The following GRIK1 variants were observed in gnomAD, a reference collection of about 807,000 sequenced individuals.
GRIK1 encodes glutamate ionotropic receptor kainate type subunit 1.
Under a neutral mutation model 105.7 loss-of-function variants are expected in GRIK1, and 69 were observed. The ratio of observed to expected loss-of-function variants is 0.65; its 90% confidence interval spans 0.54 to 0.80. GRIK1 has a LOEUF of 0.80. Ranked by LOEUF, GRIK1 falls within the 30% of genes least tolerant of loss-of-function variation. The pLI is 0.00. For missense variants in GRIK1, 1,109 were observed against 1,167.3 expected, an observed-to-expected ratio of 0.95 and a Z score of 0.73; for synonymous variants, 438 against 431.3, an observed-to-expected ratio of 1.02 and a Z score of -0.19.
At chr21:29,691,477 G>T (rs1433371850) in intron 2 of GRIK1, among the ~76,000 whole-genome samples, 1 of 152,086 alleles carries the variant, frequency 6.6e-6, no homozygotes. Flanking sequence ...TATAATTAAG[G>T]GGTATAGATA....
Position 29,911,834 on chromosome 21 carries a change from G to A in GRIK1, c.118+27549C>T, listed in dbSNP as rs61016696. Among the ~76,000 whole-genome samples the A allele has an allele frequency of 3.4e-3, 520 of 152,186 alleles. 6 individuals are homozygous for A. The highest frequency in any genetic ancestry group is 0.012 in the African/African-American group (501 of 41,538). On this transcript the variant is annotated intron_variant, in intron 1 of 17. Transcript: ENST00000327783. ...CTGAGCCTTGATCTTGGACTTCCCAGCCTCTAGAACTGAGAGAAATAAATT... is the reference window on the plus strand; with the variant it reads ...CTGAGCCTTGATCTTGGACTTCCCAACCTCTAGAACTGAGAGAAATAAATT...
intron 7 of GRIK1, among the ~76,000 whole-genome samples, chr21:29,613,289 G>T (rs2146381843): frequency 1.3e-5 from 2 of 152,250 alleles, no homozygotes; most frequent in Middle Eastern, 6.8e-3. Flanking sequence ...TATGCTGCTT[G>T]TCAGTGAAAA....
At chr21:29,808,053 C>A (rs1417363877) in intron 1 of GRIK1, among the ~76,000 whole-genome samples, 3 of 152,114 alleles carry the variant, frequency 2.0e-5, no homozygotes, top group Admixed American at 6.6e-5. Flanking sequence ...GGCCTATTCT[C>A]CACTGGATTT....
chr21:29,806,996 C>T (rs78910960), intron 1 of GRIK1, among the ~76,000 whole-genome samples: 3,330 of 152,108 alleles, frequency 0.022, 115 homozygotes, highest in African/African-American at 0.076. Flanking sequence ...CTCATTAAGC[C>T]CCATCTTCAA....
intron 16 of GRIK1, among the ~76,000 whole-genome samples, chr21:29,550,707 A>G (rs1026665701): frequency 1.3e-5 from 2 of 152,142 alleles, no homozygotes; most frequent in African/African-American, 4.8e-5. Context: ...TAGAAAACCA[A>G]TTTTCTAAAC....
chr21:29,767,739 A>G (rs573043499), intron 1 of GRIK1, among the ~76,000 whole-genome samples: 15 of 152,218 alleles, frequency 9.9e-5, no homozygotes, highest in African/African-American at 3.1e-4. Flanking sequence ...CTTGCCTTTG[A>G]GTCAGAAGTC....
At chr21:29,842,842 T>C (rs904885432) in intron 1 of GRIK1, among the ~76,000 whole-genome samples, 4 of 152,180 alleles carry the variant, frequency 2.6e-5, no homozygotes, top group African/African-American at 9.7e-5. Flanking sequence ...GTGAAGAACA[T>C]TTCCAGCAAC....
At chr21:29,589,615 C>CG (rs371176607) in intron 10 of GRIK1, among the ~76,000 whole-genome samples, 7 of 151,734 alleles carry the variant, frequency 4.6e-5, no homozygotes, top group African/African-American at 1.7e-4. Context: ...TTAGTAGAGA[C>CG]GGGGTTTCAC....
intron 12 of GRIK1, among the ~76,000 whole-genome samples, chr21:29,582,906 C>T (rs2091052880): frequency 6.6e-6 from 1 of 152,112 alleles, no homozygotes; most frequent in African/African-American, 2.4e-5. Flanking sequence ...TGCTGACACA[C>T]TGGGGAGAAC....
rs149617233 is a variant in GRIK1 at position 29,746,581 on chromosome 21, A to T, written c.119-52518T>A. On this transcript the variant is annotated intron_variant, in intron 1 of 17. Transcript: ENST00000327783. ...ATTCCGGCTAATTCAGAAAATCATA[A>T]ATGTTCACTCAAGAGAGTTAAGATT... is the stretch of plus-strand genomic sequence containing the variant. Among the ~76,000 whole-genome samples, 3 of 152,350 alleles carry T rather than the reference A, an allele frequency of 2.0e-5. No individual in the cohort carries two copies. In the East Asian group the frequency reaches 5.8e-4, roughly 29 times the overall value.
At chr21:29,903,944 A>G (rs1158993783) in intron 1 of GRIK1, among the ~76,000 whole-genome samples, 2 of 152,252 alleles carry the variant, frequency 1.3e-5, no homozygotes, top group South Asian at 2.1e-4. Context: ...CCATGCAGCC[A>G]TAAAAAAGGA....
At chr21:29,831,160 A>G (rs1273760380) in intron 1 of GRIK1, among the ~76,000 whole-genome samples, 1 of 152,236 alleles carries the variant, frequency 6.6e-6, no homozygotes, top group East Asian at 1.9e-4. Context: ...TAATAGAGCT[A>G]GAGACAAATG....
At chr21:29,586,006 C>T (rs2091123543) in intron 12 of GRIK1, among the ~76,000 whole-genome samples, 1 of 152,194 alleles carries the variant, frequency 6.6e-6, no homozygotes, top group South Asian at 2.1e-4. Flanking sequence ...CTCCCTACTA[C>T]CGGCCATGAC....
intron 1 of GRIK1, among the ~76,000 whole-genome samples, chr21:29,723,308 A>G: frequency 6.6e-6 from 1 of 152,380 alleles, no homozygotes; most frequent in South Asian, 2.1e-4. Flanking sequence ...TTTATTTCTC[A>G]TTATAAAGGC....
chr21:29,816,907 T>C (rs1481974148), intron 1 of GRIK1, among the ~76,000 whole-genome samples: 1 of 152,132 alleles, frequency 6.6e-6, no homozygotes, highest in Admixed American at 6.6e-5. Context: ...AACAATGTAC[T>C]GTATATTTCA....
intron 3 of GRIK1, among the ~76,000 whole-genome samples, chr21:29,686,231 G>C (rs1021710105): frequency 3.3e-5 from 5 of 152,188 alleles, no homozygotes; most frequent in Non-Finnish European, 7.3e-5. Context: ...TTGTTAACCT[G>C]TCTTTTGTTA....
chr21:29,664,860 C>A (rs2063030125), intron 4 of GRIK1, among the ~76,000 whole-genome samples: 1 of 152,054 alleles, frequency 6.6e-6, no homozygotes, highest in Non-Finnish European at 1.5e-5. Flanking sequence ...ACTACAAACC[C>A]CTTTCCACAA....
At chr21:29,810,423 G>A (rs1034241067) in intron 1 of GRIK1, among the ~76,000 whole-genome samples, 2 of 40 alleles carry the variant, frequency 0.05, no homozygotes, top group Admixed American at 0.5. Context: ...AAATGGTGCC[G>A]ATAGGTTGCT....
chr21:29,537,122 A>G lies in GRIK1; in HGVS notation c.*108T>C, dbSNP rs2089891152. 1.6e-6 allele frequency: 1 copy of G among 609,586 alleles called. No homozygotes were observed. The highest frequency in any genetic ancestry group is 1.9e-5 in the African/African-American group (1 of 52,256). The allele number at this position is 609,586 out of a possible 1,614,324, so 37.8% of individuals were successfully genotyped here. ...TTCTTATATCTGTATTCATAATCAG[A>G]GTTATGGATATAGATATATGGAAAC... On this transcript the variant is annotated 3_prime_UTR_variant, in exon 18 of 18. Transcript: ENST00000327783.
Sources: allele counts gnomAD v4.1 joint callset (sites outside exome capture counted in the v4.1 genomes callset), GRCh38; gene constraint gnomAD v4.1.1; transcripts MANE v1.5; gene names NCBI Gene and HGNC (gene_info 2026-07-23, HGNC 2026-07-21).